DGKG: variants seen among roughly 807,000 people sequenced by gnomAD.
DGKG encodes diacylglycerol kinase gamma, also known as DAG kinase gamma.
In DGKG, 78 loss-of-function variants were observed where a neutral mutation model predicts 105.3. The observed-to-expected ratio is 0.74, with a 90% CI of 0.62 to 0.89. DGKG has a LOEUF of 0.89. Ranked by LOEUF, DGKG falls within the 40% of genes least tolerant of loss-of-function variation. DGKG has a pLI of 0.00. For missense variants in DGKG, 958 were observed against 1,020.1 expected (o/e 0.94, Z 0.83); for synonymous variants, 346 against 367.1 (o/e 0.94, Z 0.66).
At chr3:186,178,386 G>A (rs1717194713) in intron 22 of DGKG, among the ~76,000 whole-genome samples, 1 of 152,184 alleles carries the variant, frequency 6.6e-6, no homozygotes, top group Non-Finnish European at 1.5e-5. Context: ...ACAGAGACTA[G>A]TTTGGGGGTC....
chr3:186,349,103 G>A (rs776943270), intron 1 of DGKG, among the ~76,000 whole-genome samples: 1 of 150,828 alleles, frequency 6.6e-6, no homozygotes, highest in African/African-American at 2.4e-5. Flanking sequence ...GACAGGTCTC[G>A]CTCTGTCACT....
chr3:186,197,371 C>T (rs1459551117), intron 21 of DGKG, among the ~76,000 whole-genome samples: 1 of 152,002 alleles, frequency 6.6e-6, no homozygotes, highest in Non-Finnish European at 1.5e-5. Context: ...GCAGATAGAC[C>T]CTAAAAGGCA....
intron 22 of DGKG, among the ~76,000 whole-genome samples, chr3:186,177,896 C>T (rs530160925): frequency 6.6e-6 from 1 of 152,252 alleles, no homozygotes; most frequent in East Asian, 1.9e-4. Context: ...TGTTTGTGTT[C>T]CCCTCCCCCC....
At chr3:186,157,453 G>T (rs1188723248) in intron 24 of DGKG, among the ~76,000 whole-genome samples, 2 of 151,858 alleles carry the variant, frequency 1.3e-5, no homozygotes, top group Non-Finnish European at 2.9e-5. Flanking sequence ...TTTTTGTTAG[G>T]TTATTGCATG....
chr3:186,246,733 G>A (rs867688283), intron 19 of DGKG, among the ~76,000 whole-genome samples: 1 of 152,178 alleles, frequency 6.6e-6, no homozygotes, highest in Non-Finnish European at 1.5e-5. Context: ...ATTATGTCTT[G>A]TTGAGAAATT....
chr3:186,243,895 G>GTTTTTTT lies in DGKG; in HGVS notation c.1762-1334_1762-1328dup, dbSNP rs34134152. On this transcript the variant is annotated intron_variant, in intron 19 of 24. Transcript: ENST00000265022. ...CTATTTCTTATATGAAAATTTCTGTGTTTTTTTTTTTTTTTTTTGAGATGG... is the reference window on the plus strand; with the variant it reads ...CTATTTCTTATATGAAAATTTCTGTGTTTTTTTTTTTTTTTTTTTTTTTTTGAGATGG... Among the ~76,000 whole-genome samples the GTTTTTTT allele has an allele frequency of 3.6e-4, 42 of 116,316 alleles. 1 individual carries two copies. Among genetic ancestry groups the GTTTTTTT allele is most frequent in the Middle Eastern group, 9.8e-3 (2 of 204 alleles). The allele number at this position is 116,316 out of a possible 152,430, so 76.3% of individuals were successfully genotyped here.
intron 20 of DGKG, among the ~76,000 whole-genome samples, chr3:186,230,905 T>C (rs1720119672): frequency 6.6e-6 from 1 of 152,162 alleles, no homozygotes; most frequent in South Asian, 2.1e-4. Context: ...GGTGGTGTGT[T>C]TATCATCCTG....
chr3:186,321,751 C>G (rs1352103405), intron 1 of DGKG, among the ~76,000 whole-genome samples: 1 of 152,080 alleles, frequency 6.6e-6, no homozygotes, highest in Non-Finnish European at 1.5e-5. Flanking sequence ...TGTTTTGGAC[C>G]TGGAGAGTGA....
At chr3:186,155,359 A>AT (rs1417491954) in intron 24 of DGKG, among the ~76,000 whole-genome samples, 1 of 151,964 alleles carries the variant, frequency 6.6e-6, no homozygotes, top group East Asian at 1.9e-4. Context: ...TGCTCGGCTA[A>AT]TTTTTTATAT....
At chr3:186,285,679 C>CTTT (rs34275225) in intron 6 of DGKG, among the ~76,000 whole-genome samples, 7 of 133,206 alleles carry the variant, frequency 5.3e-5, no homozygotes, top group Non-Finnish European at 4.7e-5. Context: ...TTCTTTCTTT[C>CTTT]TTTTTTTTTT....
At chr3:186,251,307 T>C (rs746175713) in intron 19 of DGKG, among the ~76,000 whole-genome samples, 50 of 151,882 alleles carry the variant, frequency 3.3e-4, no homozygotes, top group Admixed American at 3.9e-4. Context: ...GAAGAGAGAA[T>C]AGGAGAGAAG....
At chr3:186,300,756 A>G (rs1026640674) in intron 3 of DGKG, among the ~76,000 whole-genome samples, 4 of 152,272 alleles carry the variant, frequency 2.6e-5, no homozygotes, top group African/African-American at 9.6e-5. Flanking sequence ...TAATAAAAAG[A>G]AAGTTTAGTT....
chr3:186,253,692 A>G (rs1721329450), intron 17 of DGKG, among the ~76,000 whole-genome samples: 1 of 152,192 alleles, frequency 6.6e-6, no homozygotes, highest in African/African-American at 2.4e-5. Flanking sequence ...CAATACTTGA[A>G]TGGCAGACAG....
At chr3:186,286,920 G>C (rs1442363609) in intron 6 of DGKG, among the ~76,000 whole-genome samples, 2 of 152,048 alleles carry the variant, frequency 1.3e-5, no homozygotes, top group African/African-American at 2.4e-5. Context: ...TGTAATCCCA[G>C]CTACTTGGGA....
intron 1 of DGKG, among the ~76,000 whole-genome samples, chr3:186,335,276 C>T (rs911501884): frequency 1.8e-4 from 27 of 152,154 alleles, no homozygotes; most frequent in African/African-American, 6.0e-4. Context: ...GGGGTTTCAC[C>T]ATATTGGTTA....
chr3:186,160,958 C>A, intron 24 of DGKG: 1 of 985,304 alleles, frequency 1.0e-6, no homozygotes, highest in South Asian at 4.7e-5. Context: ...CATCATTTGA[C>A]ATGTATTATT....
chr3:186,201,531 C>A (rs1276109801), intron 21 of DGKG, among the ~76,000 whole-genome samples: 1 of 152,180 alleles, frequency 6.6e-6, no homozygotes, highest in Non-Finnish European at 1.5e-5. Flanking sequence ...TTGTCCCGGA[C>A]CCTCTGCTAC....
rs149176668 is a variant in DGKG, at chr3:186,149,033, C to T, written c.*1057G>A. ...GCACACACACACACACACGCGCGCA[C>T]ACACGTTAAGACCATCAGAAGGTCC... On this transcript the variant is annotated 3_prime_UTR_variant, in exon 25 of 25. Coordinates refer to ENST00000265022, the MANE Select transcript of DGKG (RefSeq NM_001346.3). 3,557 of 983,024 alleles carry T rather than the reference C, an allele frequency of 3.6e-3. 5 individuals are homozygous for T. The highest frequency in any genetic ancestry group is 5.4e-3 in the Admixed American group (86 of 15,984). The allele number at this position is 983,024 out of a possible 1,614,324, so 60.9% of individuals were successfully genotyped here. A position where few individuals can be genotyped will look rare whatever the true frequency, so the allele number is the denominator to read the frequency against.
chr3:186,324,809 C>T lies in DGKG; in HGVS notation c.-248-4102G>A, dbSNP rs1725256625. Reference sequence around the variant, plus strand: ...TTCTCGAAGAACTTAAAACAGACCTCCCATGCAATGCAGCAATCCCATTAC... The same window carrying T: ...TTCTCGAAGAACTTAAAACAGACCTTCCATGCAATGCAGCAATCCCATTAC... On this transcript the variant is annotated intron_variant, in intron 1 of 24. Coordinates refer to ENST00000265022, the MANE Select transcript of DGKG (RefSeq NM_001346.3). 2.0e-5 allele frequency among the ~76,000 whole-genome samples: 3 copies of T among 152,212 alleles called. No individual in the cohort carries two copies. The South Asian group carries it at 6.2e-4, about 31-fold the overall frequency.
Sources: allele counts gnomAD v4.1 joint callset (sites outside exome capture counted in the v4.1 genomes callset), GRCh38; gene constraint gnomAD v4.1.1; transcripts MANE v1.5; gene names NCBI Gene and HGNC (gene_info 2026-07-23, HGNC 2026-07-21).